ZCWPW2: variants seen among roughly 807,000 people sequenced by gnomAD.
ZCWPW2 encodes zinc finger CW-type PWWP domain protein 2.
ZCWPW2 carries 45 observed loss-of-function variants against 46.6 expected under a neutral mutation model. The ratio of observed to expected loss-of-function variants is 0.96; its 90% CI spans 0.76 to 1.24. ZCWPW2 has a LOEUF of 1.24. ZCWPW2 is among the 50% of genes most tolerant of loss of function. ZCWPW2 has a pLI of 0.00. For synonymous variants in ZCWPW2, 152 were observed against 137.1 expected, an observed-to-expected ratio of 1.11 and a Z score of -0.76; for missense variants, 429 against 403.9, an observed-to-expected ratio of 1.06 and a Z score of -0.53.
At chr3:28,492,248 A>G (rs2125817087) in intron 6 of ZCWPW2, 75 bp downstream of exon 6, 1 of 1,310,248 alleles carries the variant, frequency 7.6e-7, no homozygotes, top group South Asian at 1.5e-5. Context: ...AGAAAATTAT[A>G]TTATTTAAAA....
rs2125741251 is a variant in ZCWPW2, at chr3:28,413,358, C to G, written c.290C>G (p.Pro97Arg). 1 of 1,610,890 alleles carries G rather than the reference C, an allele frequency of 6.2e-7. No homozygotes were observed. The highest frequency in any genetic ancestry group is 8.5e-7 in the Non-Finnish European group (1 of 1,177,744). Residue 97 changes from proline to arginine, a missense_variant, in exon 3 of 10, where the codon CCT becomes CGT. Physicochemically the swap from Pro to Arg is moderately radical, Grantham distance 103. Transcript: ENST00000383768. Reference sequence around the variant, plus strand: ...TTTAAGATTGTCTATTCACAGCTCCCTCTTGGAAGCCTGGTTTTGGTAAAA... The same window carrying G: ...TTTAAGATTGTCTATTCACAGCTCCGTCTTGGAAGCCTGGTTTTGGTAAAA... Reference protein sequence around the residue: ...CGFKIVYSQLPLGSLVLVKLQ... With the variant: ...CGFKIVYSQLRLGSLVLVKLQ...
At chr3:28,359,791 G>A (rs975397890) in intron 1 of ZCWPW2, among the ~76,000 whole-genome samples, 1 of 152,056 alleles carries the variant, frequency 6.6e-6, no homozygotes, top group Admixed American at 6.6e-5. Flanking sequence ...GGTAATTAAA[G>A]ATAGTGTCTT....
rs1275288457 is a variant in ZCWPW2 at position 28,420,350 on chromosome 3, G to A, written c.332+6950G>A. On this transcript the variant is annotated intron_variant, in intron 3 of 9. Coordinates refer to ENST00000383768, the MANE Select transcript of ZCWPW2 (RefSeq NM_001040432.4). ...TCTGGTATGCTGTGTCTTTGTTCTC[G>A]TTGGTTTCAAAGAACATCTTTATTT... Among the ~76,000 whole-genome samples the A allele has an allele frequency of 4.0e-5, 6 of 151,778 alleles. No individual in the cohort carries two copies. The East Asian group carries it at 7.7e-4, about 20-fold the overall frequency.
chr3:28,468,168 A>G (rs1036596593), intron 4 of ZCWPW2, among the ~76,000 whole-genome samples: 12 of 152,084 alleles, frequency 7.9e-5, no homozygotes, highest in African/African-American at 2.9e-4. Flanking sequence ...AAAAAATGCA[A>G]TTGACATAGT....
chr3:28,447,332 A>T (rs965888077), intron 4 of ZCWPW2, among the ~76,000 whole-genome samples: 1 of 152,176 alleles, frequency 6.6e-6, no homozygotes, highest in Admixed American at 6.5e-5. Flanking sequence ...TTATCTTGGA[A>T]TGTAAGAATA....
chr3:28,414,318 T>G (rs73046752), intron 3 of ZCWPW2, among the ~76,000 whole-genome samples: 1 of 151,834 alleles, frequency 6.6e-6, no homozygotes, highest in Non-Finnish European at 1.5e-5. Context: ...TTAGTCATGT[T>G]TCTTCTCTTT....
At chr3:28,350,384 CTGAG>C (rs1357710325) in intron 1 of ZCWPW2, among the ~76,000 whole-genome samples, 4 of 152,052 alleles carry the variant, frequency 2.6e-5, no homozygotes, top group Non-Finnish European at 5.9e-5. Context: ...TCTTTTCTTT[CTGAG>C]TAAGTAAAGA....
chr3:28,488,474 G>C (rs1699683951), intron 5 of ZCWPW2, among the ~76,000 whole-genome samples: 1 of 152,042 alleles, frequency 6.6e-6, no homozygotes, highest in South Asian at 2.1e-4. Flanking sequence ...AATGCTCTCA[G>C]CTATCACATT....
In ZCWPW2 at chr3:28,435,416, G is replaced by A. The variant is rs1559503405; in HGVS notation, c.492+147G>A. ...TTTAATTCAAATATTTGTATTTTTA[G>A]TGTTTTTCTCAAAGAAAGTATGGAT... is the stretch of plus-strand genomic sequence containing the variant. On this transcript the variant is annotated intron_variant, in intron 4 of 9. Coordinates refer to ENST00000383768, the MANE Select transcript of ZCWPW2 (RefSeq NM_001040432.4). 1.0e-5 allele frequency: 7 copies of A among 687,962 alleles called. No homozygotes were observed. The Middle Eastern group carries it at 1.4e-3, about 135-fold the overall frequency. The allele number at this position is 687,962 out of a possible 1,614,324, so 42.6% of individuals were successfully genotyped here.
intron 4 of ZCWPW2, among the ~76,000 whole-genome samples, chr3:28,474,900 C>T (rs972016645): frequency 3.9e-5 from 6 of 152,070 alleles, no homozygotes; most frequent in African/African-American, 1.2e-4. Context: ...AGGATCTCGG[C>T]TCACTGCAAC....
At chr3:28,398,474 AGT>A (rs1695791283) in intron 2 of ZCWPW2, among the ~76,000 whole-genome samples, 1 of 152,198 alleles carries the variant, frequency 6.6e-6, no homozygotes, top group Admixed American at 6.5e-5. Context: ...TGGATAGAAC[AGT>A]GTGCGGAGGC....
chr3:28,410,436 A>G (rs989157581), intron 2 of ZCWPW2, among the ~76,000 whole-genome samples: 1 of 151,944 alleles, frequency 6.6e-6, no homozygotes, highest in Non-Finnish European at 1.5e-5. Context: ...TTTTGCACAC[A>G]TATAACATTC....
intron 6 of ZCWPW2, among the ~76,000 whole-genome samples, chr3:28,502,277 C>A (rs892820579): frequency 1.3e-5 from 2 of 152,040 alleles, no homozygotes; most frequent in Admixed American, 1.3e-4. Flanking sequence ...ATAGATAAAT[C>A]TCTGATTCCA....
At chr3:28,466,841 G>T (rs568223479) in intron 4 of ZCWPW2, among the ~76,000 whole-genome samples, 8 of 152,084 alleles carry the variant, frequency 5.3e-5, no homozygotes, top group Admixed American at 5.2e-4. Flanking sequence ...TAAATGGAAA[G>T]ATATAATCCT....
chr3:28,454,032 G>A (rs908648823), intron 4 of ZCWPW2, among the ~76,000 whole-genome samples: 1 of 151,448 alleles, frequency 6.6e-6, no homozygotes, highest in Non-Finnish European at 1.5e-5. Flanking sequence ...TTTTAGTAGA[G>A]ACGGGGTTTC....
chr3:28,391,411 A>G (rs372446959), intron 2 of ZCWPW2, among the ~76,000 whole-genome samples: 1 of 151,916 alleles, frequency 6.6e-6, no homozygotes, highest in South Asian at 2.1e-4. Flanking sequence ...AGCCAATGAG[A>G]CAGCCACCCA....
chr3:28,371,744 A>G (rs1705340417), intron 1 of ZCWPW2, among the ~76,000 whole-genome samples: 1 of 152,036 alleles, frequency 6.6e-6, no homozygotes, highest in African/African-American at 2.4e-5. Flanking sequence ...ACTTAACAGG[A>G]TTCTTTGCTA....
chr3:28,411,251 A>G (rs1351977107), intron 2 of ZCWPW2, among the ~76,000 whole-genome samples: 1 of 151,972 alleles, frequency 6.6e-6, no homozygotes, highest in East Asian at 1.9e-4. Flanking sequence ...TGTGTACCCA[A>G]TTAATACATT....
At chr3:28,453,826 TA>T (rs1241719223) in intron 4 of ZCWPW2, among the ~76,000 whole-genome samples, 246 of 147,306 alleles carry the variant, frequency 1.7e-3, no homozygotes, top group African/African-American at 5.7e-3. Flanking sequence ...TTTATTTATT[TA>T]TTTATTTTTA....
Sources: gnomAD v4.1 joint callset for allele counts (sites outside exome capture counted in the v4.1 genomes callset) on GRCh38, gnomAD v4.1.1 for gene constraint, MANE v1.5 for transcripts, NCBI Gene and HGNC (gene_info 2026-07-23, HGNC 2026-07-21) for gene names.